DLEC1: variants seen among roughly 807,000 people sequenced by gnomAD.
The protein encoded by DLEC1 is deleted in lung and esophageal cancer protein 1.
DLEC1 carries 146 observed loss-of-function variants against 198.1 expected under a neutral mutation model. The observed-to-expected ratio is 0.74, with a 90% CI of 0.64 to 0.85. The LOEUF is 0.85. Among genes scored for constraint, DLEC1 ranks in the 40% least tolerant of loss-of-function variants. The pLI is 0.00. For synonymous variants in DLEC1, 897 were observed against 866.8 expected (o/e 1.03, Z -0.61); for missense variants, 2,233 against 2,220.0 (o/e 1.01, Z -0.12).
In DLEC1 at chr3:38,122,928, G is replaced by T. The variant is rs981823340; in HGVS notation, c.*516G>T. ...CAAATGAGTTGAAGTGCCTTGATCT[G>T]TCCACTGCCACCACCACCAGTGCTG... On this transcript the variant is annotated 3_prime_UTR_variant, in exon 37 of 37. Coordinates refer to ENST00000308059, the MANE Select transcript of DLEC1 (RefSeq NM_007335.4). The T allele has an allele frequency of 1.9e-6, 2 of 1,051,772 alleles. No homozygotes were observed. Among genetic ancestry groups the T allele is most frequent in the South Asian group, 1.4e-5 (1 of 72,982 alleles). The allele number at this position is 1,051,772 out of a possible 1,614,324, so 65.2% of individuals were successfully genotyped here. A position where few individuals can be genotyped will look rare whatever the true frequency, so the allele number is the denominator to read the frequency against.
In DLEC1 at chr3:38,114,332, G is replaced by A. The variant is rs775689696; in HGVS notation, c.3667-10G>A. ...GACAGGAGTGACAAAGGGCTGGGGT[G>A]TGTTTGCAGGTGGGAGACCTGCTGC... On this transcript the variant is annotated splice_polypyrimidine_tract_variant and intron_variant, in intron 25 of 36. Transcript: ENST00000308059. 3.7e-6 allele frequency: 6 copies of A among 1,613,796 alleles called. No homozygotes were observed. The highest frequency in any genetic ancestry group is 1.7e-4 in the Middle Eastern group (1 of 6,060).
chr3:38,070,568 G>T (rs1697260019), intron 6 of DLEC1, among the ~76,000 whole-genome samples: 1 of 152,224 alleles, frequency 6.6e-6, no homozygotes, highest in Non-Finnish European at 1.5e-5. Flanking sequence ...TCACCTGGGT[G>T]CAGGCGAGCT....
chr3:38,100,164 G>C, intron 18 of DLEC1, 122 bp from the exon 19 acceptor site: 1 of 1,278,414 alleles, frequency 7.8e-7, no homozygotes, highest in Non-Finnish European at 1.0e-6. Context: ...CTGGATCCCA[G>C]ATGGCTCTTG....
intron 6 of DLEC1, among the ~76,000 whole-genome samples, chr3:38,082,478 G>T (rs571840506): frequency 6.6e-6 from 1 of 152,156 alleles, no homozygotes; most frequent in Non-Finnish European, 1.5e-5. Flanking sequence ...CGCGGGGCCC[G>T]TCCCGGTTCG....
At chr3:38,042,641 T>C (rs1383708127) in intron 1 of DLEC1, among the ~76,000 whole-genome samples, 1 of 137,204 alleles carries the variant, frequency 7.3e-6, no homozygotes, top group African/African-American at 2.7e-5. Flanking sequence ...CTGCAACCCC[T>C]GCCTCCCGGG....
chr3:38,062,882 G>GTC (rs1264969591), intron 5 of DLEC1, 81 bp downstream of exon 5: 2 of 1,451,030 alleles, frequency 1.4e-6, no homozygotes, highest in East Asian at 4.7e-5. Flanking sequence ...TGGTCTGGCT[G>GTC]TAGAGGTCCC....
intron 10 of DLEC1, 124 bp from the exon 11 acceptor site, chr3:38,092,666 C>T (rs1482754788): frequency 2.5e-5 from 22 of 864,066 alleles, no homozygotes; most frequent in Admixed American, 3.7e-5. Context: ...TGGGAGGTGG[C>T]AGGGAGGGGA....
At chr3:38,083,811 T>G (rs1356058300) in intron 6 of DLEC1, among the ~76,000 whole-genome samples, 1 of 144,608 alleles carries the variant, frequency 6.9e-6, no homozygotes. Flanking sequence ...TTTTTTTTTT[T>G]GGTAGAGAGA....
intron 6 of DLEC1, among the ~76,000 whole-genome samples, chr3:38,077,757 T>A (rs1413572864): frequency 1.3e-5 from 2 of 152,214 alleles, no homozygotes; most frequent in African/African-American, 4.8e-5. Flanking sequence ...ATTTTAGTTA[T>A]CTGACTCAGG....
intron 6 of DLEC1, among the ~76,000 whole-genome samples, chr3:38,077,672 C>G (rs1697704788): frequency 6.6e-6 from 1 of 152,132 alleles, no homozygotes; most frequent in Admixed American, 6.5e-5. Context: ...GAAGAAATTA[C>G]TGGGATGGCC....
At chr3:38,069,552 CA>C (rs1244502580) in intron 6 of DLEC1, among the ~76,000 whole-genome samples, 1 of 152,188 alleles carries the variant, frequency 6.6e-6, no homozygotes, top group Non-Finnish European at 1.5e-5. Flanking sequence ...AATGTCTTCA[CA>C]GCAGGCCTTG....
At chr3:38,087,310 G>A (rs1187652108) in intron 9 of DLEC1, among the ~76,000 whole-genome samples, 1 of 147,888 alleles carries the variant, frequency 6.8e-6, no homozygotes, top group African/African-American at 2.5e-5. Flanking sequence ...CCATCCATCA[G>A]CACTGACACC....
At chr3:38,096,982 A>G (rs535925565) in intron 15 of DLEC1, among the ~76,000 whole-genome samples, 200 bp from the exon 16 acceptor site, 32 of 152,278 alleles carry the variant, frequency 2.1e-4, no homozygotes, top group Admixed American at 5.9e-4. Context: ...CGTCCTTGGC[A>G]GAGTATGTCA....
chr3:38,063,539 T>C (rs191594584), intron 5 of DLEC1, among the ~76,000 whole-genome samples: 4 of 152,270 alleles, frequency 2.6e-5, no homozygotes, highest in East Asian at 1.9e-4. Flanking sequence ...AAGACTAATA[T>C]TTGAGATACC....
chr3:38,040,796 T>C (rs1045856823), intron 1 of DLEC1, among the ~76,000 whole-genome samples: 1 of 152,240 alleles, frequency 6.6e-6, no homozygotes, highest in Non-Finnish European at 1.5e-5. Flanking sequence ...AGAGTCTGAA[T>C]TGGCAAATAG....
At chr3:38,084,100 C>G in intron 6 of DLEC1, 58 bp from the exon 7 acceptor site, 1 of 1,491,948 alleles carries the variant, frequency 6.7e-7, no homozygotes, top group Non-Finnish European at 9.3e-7. Flanking sequence ...TCCTGGACAT[C>G]GTATCATTTC....
rs547834247 is a variant in DLEC1 at position 38,043,053 on chromosome 3, C to T, written c.412-2490C>T. On this transcript the variant is annotated intron_variant, in intron 1 of 36. Transcript: ENST00000308059. ...CCTGAGTTTTTCCCTCAGATAACCC[C>T]GTTGGCAGCTGATCTTCCCCAAGCC... 8.5e-5 allele frequency among the ~76,000 whole-genome samples: 13 copies of T among 152,274 alleles called. No homozygotes were observed. The South Asian group carries it at 2.5e-3, about 29-fold the overall frequency.
intron 6 of DLEC1, among the ~76,000 whole-genome samples, chr3:38,074,682 C>T (rs1697509087): frequency 6.6e-6 from 1 of 152,180 alleles, no homozygotes; most frequent in South Asian, 2.1e-4. Context: ...AGGTCAGGTT[C>T]ATGAAGCCGG....
At chr3:38,092,440 C>T (rs1268223715) in intron 10 of DLEC1, among the ~76,000 whole-genome samples, 1 of 152,196 alleles carries the variant, frequency 6.6e-6, no homozygotes, top group Non-Finnish European at 1.5e-5. Flanking sequence ...TGACAGCTCA[C>T]CTTCTGCTCT....
Sources: allele counts gnomAD v4.1 joint callset (sites outside exome capture counted in the v4.1 genomes callset), GRCh38; gene constraint gnomAD v4.1.1; transcripts MANE v1.5; gene names NCBI Gene and HGNC (gene_info 2026-07-23, HGNC 2026-07-21).